Variants in VIPR2 observed in about 807,000 individuals in gnomAD.
VIPR2 encodes vasoactive intestinal polypeptide receptor 2.
A neutral mutation model predicts 58.0 loss-of-function variants in VIPR2; 48 were observed. That is an observed-to-expected ratio of 0.83 (90% confidence interval 0.66 to 1.05). The LOEUF (loss-of-function observed/expected upper bound fraction) is 1.05, where lower values mean the gene tolerates loss of function less well. Among genes scored for constraint, VIPR2 ranks in the 50% least tolerant of loss-of-function variants. The probability of loss-of-function intolerance (pLI) is 0.00; values close to 1 mark genes in which losing one functional copy is unlikely to be tolerated. For synonymous variants in VIPR2, 243 were observed against 235.2 expected (o/e 1.03, Z -0.30); for missense variants, 534 against 558.0 (o/e 0.96, Z 0.43).
At position 159,095,956 on chromosome 7, in the gene VIPR2, G is replaced by C. The variant is rs1382096886; in HGVS notation, c.357+7801C>G. Among the ~76,000 whole-genome samples, 1 of 152,168 alleles carries C rather than the reference G, an allele frequency of 6.6e-6. No individual in the cohort carries two copies. Among genetic ancestry groups the C allele is most frequent in the African/African-American group, 2.4e-5 (1 of 41,434 alleles). On this transcript the variant is annotated intron_variant, in intron 4 of 12. Transcript: ENST00000262178. This position sits in a 1 kb window ranked among gnomAD's most constrained non-coding sequence, Gnocchi z 5.2. ...TGTGTGTCCTGGAGGGGCCAGTGTGGTGTGTGGTGTATGATCTGGAGGCTC... is the reference window on the plus strand; with the variant it reads ...TGTGTGTCCTGGAGGGGCCAGTGTGCTGTGTGGTGTATGATCTGGAGGCTC...
Position 159,135,004 on chromosome 7 carries a change from G to GTTTTTTTTTTTTTTTTTTTTTTTTTT in VIPR2, c.151+7416_151+7441dup, listed in dbSNP as rs747914292. On this transcript the variant is annotated intron_variant, in intron 2 of 12. Coordinates refer to ENST00000262178, the MANE Select transcript of VIPR2 (RefSeq NM_003382.5). ...TATTGGTCTTCTCTTAATTACAAAA[G>GTTTTTTTTTTTTTTTTTTTTTTTTTT]TTTTTTTTTTTTTTTTTTTTTTTTT... Among the ~76,000 whole-genome samples, 9 of 65,978 alleles carry GTTTTTTTTTTTTTTTTTTTTTTTTTT rather than the reference G, an allele frequency of 1.4e-4. 1 individual carries two copies. Among genetic ancestry groups the GTTTTTTTTTTTTTTTTTTTTTTTTTT allele is most frequent in the Non-Finnish European group, 1.7e-4 (6 of 35,304 alleles). 43.3% of individuals were successfully genotyped at this position (65,978 alleles called of 152,430 possible).
chr7:159,079,726 T>A (rs960082733), intron 4 of VIPR2, among the ~76,000 whole-genome samples: 2 of 152,042 alleles, frequency 1.3e-5, no homozygotes, highest in Non-Finnish European at 2.9e-5. Context: ...CTAGCAAGAC[T>A]AATAAAGAAG....
chr7:159,129,443 C>A (rs370411377), intron 2 of VIPR2, among the ~76,000 whole-genome samples: 45 of 86,090 alleles, frequency 5.2e-4, no homozygotes, highest in African/African-American at 7.3e-4. Flanking sequence ...CTCAAACTGG[C>A]CTCTGGCGGG....
At chr7:159,082,038 A>C (rs908400418) in intron 4 of VIPR2, among the ~76,000 whole-genome samples, 2 of 152,346 alleles carry the variant, frequency 1.3e-5, no homozygotes, top group African/African-American at 4.8e-5. Flanking sequence ...TAGTTCAACC[A>C]TTGTGGAAGT....
chr7:159,042,872 G>A (rs1407759749), intron 6 of VIPR2, among the ~76,000 whole-genome samples, 163 bp downstream of exon 6: 2 of 152,182 alleles, frequency 1.3e-5, no homozygotes, highest in African/African-American at 4.8e-5. Context: ...TGCCAACTGG[G>A]CCTGTTCTGG....
Position 159,099,122 on chromosome 7 carries a change from A to G in VIPR2, c.357+4635T>C, listed in dbSNP as rs945487549. Reference sequence around the variant, plus strand: ...AAGTATTCAACGAGCAGAAACTGCAACAGGAAGAAAAATTATTCATTTTGG... The same window carrying G: ...AAGTATTCAACGAGCAGAAACTGCAGCAGGAAGAAAAATTATTCATTTTGG... On this transcript the variant is annotated intron_variant, in intron 4 of 12. Transcript: ENST00000262178. The surrounding 1 kb of genome is among the most constrained non-coding windows in gnomAD (Gnocchi z 4.2). Among the ~76,000 whole-genome samples, 1 of 152,268 alleles carries G rather than the reference A, an allele frequency of 6.6e-6. No individual in the cohort carries two copies. Among genetic ancestry groups the G allele is most frequent in the African/African-American group, 2.4e-5 (1 of 41,470 alleles).
chr7:159,101,703 C>T (rs544692029), intron 4 of VIPR2, among the ~76,000 whole-genome samples: 65 of 137,862 alleles, frequency 4.7e-4, no homozygotes, highest in African/African-American at 5.5e-4. Flanking sequence ...TCCGACGAGG[C>T]GGTTCCGACT....
intron 2 of VIPR2, among the ~76,000 whole-genome samples, chr7:159,123,670 C>A (rs2129496996): frequency 6.6e-6 from 1 of 152,238 alleles, no homozygotes; most frequent in South Asian, 2.1e-4. Context: ...GGTATATATC[C>A]AGTAATGGGA....
At chr7:159,122,026 A>G (rs972216139) in intron 2 of VIPR2, among the ~76,000 whole-genome samples, 1 of 152,232 alleles carries the variant, frequency 6.6e-6, no homozygotes, top group Non-Finnish European at 1.5e-5. Flanking sequence ...CAGAGCTTAC[A>G]CCACTGTGCT....
At chr7:159,125,944 G>A (rs1796635144) in intron 2 of VIPR2, among the ~76,000 whole-genome samples, 1 of 152,196 alleles carries the variant, frequency 6.6e-6, no homozygotes. Flanking sequence ...GACCCTCGGT[G>A]TTCTAGTAGC....
intron 2 of VIPR2, among the ~76,000 whole-genome samples, chr7:159,130,572 G>C (rs115365589): frequency 2.6e-5 from 4 of 151,598 alleles, no homozygotes; most frequent in Non-Finnish European, 5.9e-5. Flanking sequence ...CCCCTGTGAC[G>C]GCACCCCAGC....
chr7:159,099,351 C>T lies in VIPR2; in HGVS notation c.357+4406G>A, dbSNP rs1050230648. 2.0e-5 allele frequency among the ~76,000 whole-genome samples: 3 copies of T among 152,170 alleles called. No homozygotes were observed. The highest frequency in any genetic ancestry group is 7.2e-5 in the African/African-American group (3 of 41,430). The stretch of plus-strand genomic sequence containing the variant: ...GCAGGCAGGGTTTACTTACAGGCCT[C>T]GATGAAGGACCAGTGGACCCAGAAG... On this transcript the variant is annotated intron_variant, in intron 4 of 12. Transcript: ENST00000262178. The surrounding 1 kb of genome is among the most constrained non-coding windows in gnomAD (Gnocchi z 4.2).
In VIPR2 at chr7:159,084,807, G is replaced by T. The variant is rs533307867; in HGVS notation, c.357+18950C>A. Among the ~76,000 whole-genome samples the T allele has an allele frequency of 1.7e-3, 261 of 152,294 alleles. 1 individual carries two copies. Among genetic ancestry groups the T allele is most frequent in the African/African-American group, 5.9e-3 (245 of 41,560 alleles). ...CCAGTTGCCAGTCTCAGAGGTAGGA[G>T]GTGCCTGTTTTTGCCTTAGAAGTCG... is the stretch of plus-strand genomic sequence containing the variant. On this transcript the variant is annotated intron_variant, in intron 4 of 12. Transcript: ENST00000262178.
In VIPR2 at chr7:159,132,769, C is replaced by G. The variant is rs201254950; in HGVS notation, c.151+9677G>C. Among the ~76,000 whole-genome samples, 82 of 121,064 alleles carry G rather than the reference C, an allele frequency of 6.8e-4. 1 individual carries two copies. The highest frequency in any genetic ancestry group is 2.8e-3 in the African/African-American group (68 of 24,092). The allele number at this position is 121,064 out of a possible 152,430, so 79.4% of individuals were successfully genotyped here. A position where few individuals can be genotyped will look rare whatever the true frequency, so the allele number is the denominator to read the frequency against. ...TTTTGATTGGCATACAGACTGATTT[C>G]AGACAGAATGATTGGCATACAGACT... On this transcript the variant is annotated intron_variant, in intron 2 of 12. Transcript: ENST00000262178.
chr7:159,093,808 C>A lies in VIPR2; in HGVS notation c.357+9949G>T, dbSNP rs1857649128. Among the ~76,000 whole-genome samples the A allele has an allele frequency of 6.6e-6, 1 of 150,924 alleles. No individual in the cohort carries two copies. The highest frequency in any genetic ancestry group is 2.5e-5 in the African/African-American group (1 of 40,298). On this transcript the variant is annotated intron_variant, in intron 4 of 12. Coordinates refer to ENST00000262178, the MANE Select transcript of VIPR2 (RefSeq NM_003382.5). This position sits in a 1 kb window ranked among gnomAD's most constrained non-coding sequence, Gnocchi z 6.7. ...GGGTCCGGACAGGGGAGAGGCCCTG[C>A]AGCGTCCCTGGGTCCGGACATGGGA...
chr7:159,043,276 G>C, intron 5 of VIPR2, 100 bp from the exon 6 acceptor site: 1 of 1,080,462 alleles, frequency 9.3e-7, no homozygotes, highest in Non-Finnish European at 1.3e-6. Flanking sequence ...GATCAGAGAA[G>C]CACAGAAAAA....
intron 5 of VIPR2, among the ~76,000 whole-genome samples, chr7:159,057,245 T>C (rs902077606): frequency 2.6e-5 from 4 of 152,192 alleles, no homozygotes; most frequent in Admixed American, 2.6e-4. Context: ...TACAGTAAAA[T>C]AGTAAACATA....
At chr7:159,053,656 A>G (rs1563276289) in intron 5 of VIPR2, among the ~76,000 whole-genome samples, 2 of 152,150 alleles carry the variant, frequency 1.3e-5, no homozygotes, top group East Asian at 1.9e-4. Context: ...CTTCCACCCC[A>G]GCCCCTTAAG....
In VIPR2 at chr7:159,099,848, T is replaced by A. The variant is rs985546207; in HGVS notation, c.357+3909A>T. Among the ~76,000 whole-genome samples, 1 of 152,110 alleles carries A rather than the reference T, an allele frequency of 6.6e-6. No individual in the cohort carries two copies. The highest frequency in any genetic ancestry group is 1.5e-5 in the Non-Finnish European group (1 of 68,010). On this transcript the variant is annotated intron_variant, in intron 4 of 12. Coordinates refer to ENST00000262178, the MANE Select transcript of VIPR2 (RefSeq NM_003382.5). The surrounding 1 kb of genome is among the most constrained non-coding windows in gnomAD (Gnocchi z 4.2). ...AGCCTGGGGCAGATGGTATTATCAC[T>A]GCTGTGATCTCACACACCAGAGCCG...
Sources: gnomAD v4.1 joint callset for allele counts (sites outside exome capture counted in the v4.1 genomes callset) on GRCh38, gnomAD v4.1.1 for gene constraint, Gnocchi (gnomAD v3.1) non-coding constraint, MANE v1.5 for transcripts, NCBI Gene and HGNC (gene_info 2026-07-23, HGNC 2026-07-21) for gene names.